PPP4R1: variants seen among roughly 807,000 people sequenced by gnomAD.
The protein encoded by PPP4R1 is serine/threonine-protein phosphatase 4 regulatory subunit 1.
PPP4R1 carries 42 observed loss-of-function variants against 111.2 expected under a neutral mutation model. The ratio of observed to expected loss-of-function variants is 0.38; its 90% CI spans 0.29 to 0.49. PPP4R1 has a LOEUF of 0.49. Among genes scored for constraint, PPP4R1 ranks in the 20% least tolerant of loss-of-function variants. The probability of loss-of-function intolerance (pLI) is 0.97; values close to 1 mark genes in which losing one functional copy is unlikely to be tolerated. For synonymous variants in PPP4R1, 409 were observed against 405.5 expected (o/e 1.01, Z -0.10); for missense variants, 1,012 against 1,161.6 (o/e 0.87, Z 1.87).
chr18:9,548,913 G>A (rs756048861), intron 19 of PPP4R1, among the ~76,000 whole-genome samples: 18 of 152,208 alleles, frequency 1.2e-4, no homozygotes, highest in Non-Finnish European at 1.8e-4. Flanking sequence ...GCGAGACTCC[G>A]TCTCAAAATA....
Position 9,577,106 on chromosome 18 carries a change from T to C in PPP4R1, c.1004A>G (p.Glu335Gly). The change falls in exon 10 of 20, where the codon GAA becomes GGA. Residue 335 changes from glutamate to glycine, a missense_variant. Transcript: ENST00000400556. ...TGACATCTCTTCTGAACTTTTGCTT[T>C]CTTCTTTAAAATACTGGCCTGAGCT... The part of the protein sequence containing the change: ...PSSSGQYFKE[E>G]SKSSEEMSVE... The C allele has an allele frequency of 6.3e-7, 1 of 1,598,692 alleles. No individual in the cohort carries two copies. Among genetic ancestry groups the C allele is most frequent in the Non-Finnish European group, 8.5e-7 (1 of 1,171,104 alleles).
intron 2 of PPP4R1, among the ~76,000 whole-genome samples, chr18:9,599,364 A>C (rs920075715): frequency 5.3e-5 from 8 of 152,208 alleles, no homozygotes; most frequent in Non-Finnish European, 8.8e-5. Flanking sequence ...CACCAAAGAC[A>C]TATAACTACT....
rs757372952 is a variant in PPP4R1, at chr18:9,595,138, T to C, written c.68A>G (p.Tyr23Cys). Reference protein sequence around the residue: ...EDADGFGVDDYSSESDVIIIP... With the variant: ...EDADGFGVDDCSSESDVIIIP... ...AATAATCACATCAGACTCTGAGCTG[T>C]AGTCATCCACACCAACTATCAGAGA... The change falls in exon 3 of 20, where the codon TAC becomes TGC. Residue 23 changes from tyrosine to cysteine, a missense_variant. By Grantham distance (194) the Tyr-to-Cys change is radical. This residue lies in a region of PPP4R1 where 707 missense variants were observed against 742.1 expected (regional missense o/e 0.95). Coordinates refer to ENST00000400556, the MANE Select transcript of PPP4R1 (RefSeq NM_001042388.3). The C allele has an allele frequency of 2.5e-6, 4 of 1,613,712 alleles. No homozygotes were observed. The highest frequency in any genetic ancestry group is 2.5e-6 in the Non-Finnish European group (3 of 1,179,824).
At position 9,547,691 on chromosome 18, in the gene PPP4R1, T is replaced by C; in HGVS notation, c.*98A>G. The stretch of plus-strand genomic sequence containing the variant: ...ATGAAGTCCGCAGGAGAGGAAGGTC[T>C]CTCCTCCCCCGAAAGCTATCCCAGG... On this transcript the variant is annotated 3_prime_UTR_variant, in exon 20 of 20. Coordinates refer to ENST00000400556, the MANE Select transcript of PPP4R1 (RefSeq NM_001042388.3). The C allele has an allele frequency of 6.9e-7, 1 of 1,440,664 alleles. No individual in the cohort carries two copies. The highest frequency in any genetic ancestry group is 9.6e-7 in the Non-Finnish European group (1 of 1,046,722). The allele number at this position is 1,440,664 out of a possible 1,614,324, so 89.2% of individuals were successfully genotyped here.
Position 9,614,087 on chromosome 18 carries a change from C to T in PPP4R1, c.52+139G>A. The T allele has an allele frequency of 1.5e-6, 1 of 675,862 alleles. No homozygotes were observed. Among genetic ancestry groups the T allele is most frequent in the Non-Finnish European group, 2.0e-6 (1 of 501,000 alleles). 41.9% of individuals were successfully genotyped at this position (675,862 alleles called of 1,614,324 possible). A position where few individuals can be genotyped will look rare whatever the true frequency, so the allele number is the denominator to read the frequency against. On this transcript the variant is annotated intron_variant, in intron 2 of 19. Coordinates refer to ENST00000400556, the MANE Select transcript of PPP4R1 (RefSeq NM_001042388.3). The surrounding 1 kb of genome is among the most constrained non-coding windows in gnomAD (Gnocchi z 4.1). Reference sequence around the variant, plus strand: ...CGGACGCGAGATTTTCCCCCCCGATCGCCACCCCAGCCCGCCTGGGGCCGC... The same window carrying T: ...CGGACGCGAGATTTTCCCCCCCGATTGCCACCCCAGCCCGCCTGGGGCCGC...
chr18:9,614,030 C>A lies in PPP4R1; in HGVS notation c.52+196G>T, dbSNP rs939746697. ...GGGCGTTACTCCGGGCGTCTCCCTC[C>A]CCCAGCGGAACCTGGGCGCGCCGTT... On this transcript the variant is annotated intron_variant, in intron 2 of 19. Transcript: ENST00000400556. This position sits in a 1 kb window ranked among gnomAD's most constrained non-coding sequence, Gnocchi z 4.1. 1 of 345,246 alleles carries A rather than the reference C, an allele frequency of 2.9e-6. No homozygotes were observed. Among genetic ancestry groups the A allele is most frequent in the Non-Finnish European group, 4.9e-6 (1 of 202,822 alleles). The allele number at this position is 345,246 out of a possible 1,614,324, so 21.4% of individuals were successfully genotyped here.
In PPP4R1 at chr18:9,584,743, C is replaced by T; in HGVS notation, c.671G>A (p.Cys224Tyr). The change falls in exon 7 of 20, where the codon TGC becomes TAC. Residue 224 changes from cysteine to tyrosine, a missense_variant. Cys to Tyr is a radical substitution (Grantham distance 194). Transcript: ENST00000400556. Reference protein sequence around the residue: ...LPRFCEMCCDCRMFHVRKVCA... With the variant: ...LPRFCEMCCDYRMFHVRKVCA... Reference sequence around the variant, plus strand: ...TACCTTTCGAACGTGAAACATTCTGCAATCGCAGCACATCTCACAAAACCT... The same window carrying T: ...TACCTTTCGAACGTGAAACATTCTGTAATCGCAGCACATCTCACAAAACCT... 6.2e-7 allele frequency: 1 copy of T among 1,613,682 alleles called. No homozygotes were observed. The highest frequency in any genetic ancestry group is 8.5e-7 in the Non-Finnish European group (1 of 1,179,740).
At chr18:9,593,470 A>T (rs1411662087) in intron 4 of PPP4R1, among the ~76,000 whole-genome samples, 3 of 152,106 alleles carry the variant, frequency 2.0e-5, no homozygotes, top group Non-Finnish European at 4.4e-5. Context: ...TAATGTATTC[A>T]AAATTATTCT....
intron 14 of PPP4R1, among the ~76,000 whole-genome samples, chr18:9,559,109 A>C (rs1298789694): frequency 6.6e-6 from 1 of 152,256 alleles, no homozygotes; most frequent in African/African-American, 2.4e-5. Flanking sequence ...TGAAAAATTA[A>C]ATCCTATATT....
intron 2 of PPP4R1, among the ~76,000 whole-genome samples, chr18:9,600,196 CAAAAAAAAAA>C (rs57840721): frequency 9.2e-6 from 1 of 109,286 alleles, no homozygotes; most frequent in Non-Finnish European, 1.9e-5. Flanking sequence ...TTCTATTTCC[CAAAAAAAAAA>C]AAAAAAAAAA....
Position 9,614,420 on chromosome 18 carries a change from G to A in PPP4R1, c.7+58C>T. The A allele has an allele frequency of 3.0e-6, 3 of 1,015,074 alleles. No homozygotes were observed. Among genetic ancestry groups the A allele is most frequent in the Non-Finnish European group, 3.5e-6 (3 of 850,332 alleles). The allele number at this position is 1,015,074 out of a possible 1,614,324, so 62.9% of individuals were successfully genotyped here. A position where few individuals can be genotyped will look rare whatever the true frequency, so the allele number is the denominator to read the frequency against. Reference sequence around the variant, plus strand: ...GGCCCGGCAGCCACTCAGGGCTGCGGCGGAGGGCGGGTGGGCTCGAGGAGC... The same window carrying A: ...GGCCCGGCAGCCACTCAGGGCTGCGACGGAGGGCGGGTGGGCTCGAGGAGC... On this transcript the variant is annotated intron_variant, in intron 1 of 19. Transcript: ENST00000400556. This position sits in a 1 kb window ranked among gnomAD's most constrained non-coding sequence, Gnocchi z 4.1.
chr18:9,556,371 T>C (rs967957135), intron 15 of PPP4R1, among the ~76,000 whole-genome samples: 15 of 151,652 alleles, frequency 9.9e-5, no homozygotes, highest in Admixed American at 9.2e-4. Context: ...TTTTTGTATT[T>C]TAGTAAAGAC....
At chr18:9,600,010 C>T (rs549361442) in intron 2 of PPP4R1, among the ~76,000 whole-genome samples, 3 of 152,012 alleles carry the variant, frequency 2.0e-5, no homozygotes, top group African/African-American at 7.2e-5. Flanking sequence ...AAATGAATAA[C>T]CCCACTAATT....
At chr18:9,566,716 C>CA (rs1247987868) in intron 11 of PPP4R1, among the ~76,000 whole-genome samples, 1 of 151,492 alleles carries the variant, frequency 6.6e-6, no homozygotes, top group Non-Finnish European at 1.5e-5. Context: ...CTCATTTACT[C>CA]AAAAATCCTG....
intron 2 of PPP4R1, among the ~76,000 whole-genome samples, chr18:9,605,298 T>C (rs969882512): frequency 6.6e-6 from 1 of 152,252 alleles, no homozygotes; most frequent in South Asian, 2.1e-4. Flanking sequence ...GGCTCTTCTA[T>C]AAAGCAGAAT....
chr18:9,579,820 T>C (rs376416673), intron 9 of PPP4R1, among the ~76,000 whole-genome samples: 11 of 152,344 alleles, frequency 7.2e-5, no homozygotes, highest in African/African-American at 2.6e-4. Flanking sequence ...GCATAGGTTA[T>C]ATGCAAATAC....
chr18:9,570,587 GT>G lies in PPP4R1; in HGVS notation c.1142del (p.Asn381ThrfsTer15). ...SVSNSSVILE[N>X]TMEDHAAEAS... ...CCTCAGCAGCATGGTCTTCCATCGT[GT>G]TTTCCAGTATGACACTGGAATTACT... On this transcript the variant is annotated frameshift_variant, in exon 11 of 20. Coordinates refer to ENST00000400556, the MANE Select transcript of PPP4R1 (RefSeq NM_001042388.3). LOFTEE classifies it high-confidence loss of function. The G allele has an allele frequency of 6.2e-7, 1 of 1,614,090 alleles. No individual in the cohort carries two copies. The highest frequency in any genetic ancestry group is 8.5e-7 in the Non-Finnish European group (1 of 1,180,014).
Position 9,570,139 on chromosome 18 carries a change from C to T in PPP4R1, c.1573+18G>A. ...TTTTAATCAATTTCAGAATAAATAA[C>T]TTGATTGACTTCCATACCTTTAACA... On this transcript the variant is annotated intron_variant, in intron 11 of 19. Transcript: ENST00000400556. The T allele has an allele frequency of 6.8e-7, 1 of 1,477,860 alleles. No homozygotes were observed. Among genetic ancestry groups the T allele is most frequent in the Non-Finnish European group, 9.0e-7 (1 of 1,113,602 alleles). 91.5% of individuals were successfully genotyped at this position (1,477,860 alleles called of 1,614,324 possible). A position where few individuals can be genotyped will look rare whatever the true frequency, so the allele number is the denominator to read the frequency against.
intron 10 of PPP4R1, among the ~76,000 whole-genome samples, chr18:9,574,974 GA>G (rs1368723451): frequency 6.6e-6 from 1 of 152,202 alleles, no homozygotes; most frequent in Non-Finnish European, 1.5e-5. Context: ...CTGCTTCTGA[GA>G]AGTAGGCTTT....
Sources: gnomAD v4.1 joint callset for allele counts (sites outside exome capture counted in the v4.1 genomes callset) on GRCh38, gnomAD v4.1.1 for gene constraint, gnomAD v4.1.1 regional missense constraint, Gnocchi (gnomAD v3.1) non-coding constraint, MANE v1.5 for transcripts, NCBI Gene and HGNC (gene_info 2026-07-23, HGNC 2026-07-21) for gene names.